The following RYR2 variants were observed in gnomAD, a reference collection of about 807,000 sequenced individuals.
RYR2 encodes ryanodine receptor 2.
Under a neutral mutation model 601.1 loss-of-function variants are expected in RYR2, and 227 were observed. The observed-to-expected ratio is 0.38, with a 90% CI of 0.34 to 0.42. RYR2 has a LOEUF of 0.42. Among genes scored for constraint, RYR2 ranks in the 10% least tolerant of loss-of-function variants. The probability of loss-of-function intolerance (pLI) is 1.00; values close to 1 mark genes in which losing one functional copy is unlikely to be tolerated. For synonymous variants in RYR2, 2,223 were observed against 2,175.1 expected, an observed-to-expected ratio of 1.02 and a Z score of -0.61; for missense variants, 4,646 against 6,156.5, an observed-to-expected ratio of 0.75 and a Z score of 8.21.
At chr1:237,779,050 C>T (rs921010001) in intron 88 of RYR2, among the ~76,000 whole-genome samples, 1 of 152,066 alleles carries the variant, frequency 6.6e-6, no homozygotes, top group African/African-American at 2.4e-5. Flanking sequence ...AGTCGAGTCC[C>T]CAAACATTGT....
rs1330383062 is a variant in RYR2 at position 237,493,188 on chromosome 1, C to T, written c.1961+101C>T. 7.9e-6 allele frequency: 10 copies of T among 1,271,894 alleles called. 1 individual carries two copies. The South Asian group carries it at 1.3e-4, about 17-fold the overall frequency. The allele number at this position is 1,271,894 out of a possible 1,614,324, so 78.8% of individuals were successfully genotyped here. On this transcript the variant is annotated intron_variant, in intron 19 of 104. Coordinates refer to ENST00000366574, the MANE Select transcript of RYR2 (RefSeq NM_001035.3). ...TATATGGTCTGTTTTTTAAATTAGA[C>T]CATATAGTATTATTTTCTGTATTTT...
chr1:237,802,660 A>C (rs1660111818), intron 98 of RYR2, among the ~76,000 whole-genome samples: 1 of 152,200 alleles, frequency 6.6e-6, no homozygotes, highest in Non-Finnish European at 1.5e-5. Context: ...CTAATTTCTC[A>C]TCCAAATGGG....
At chr1:237,591,961 T>A (rs1429038490) in intron 32 of RYR2, 108 bp downstream of exon 32, 5 of 826,352 alleles carry the variant, frequency 6.1e-6, no homozygotes, top group Non-Finnish European at 9.2e-6. Context: ...ATTTTTAAAA[T>A]GTCTGTTTCT....
intron 41 of RYR2, 30 bp downstream of exon 41, chr1:237,628,110 T>C: frequency 6.2e-7 from 1 of 1,604,808 alleles, no homozygotes; most frequent in South Asian, 1.1e-5. Context: ...CAACCCTTTG[T>C]CTCGTAAATG....
chr1:237,108,626 G>A (rs1331332278), intron 1 of RYR2, among the ~76,000 whole-genome samples: 1 of 152,224 alleles, frequency 6.6e-6, no homozygotes, highest in East Asian at 1.9e-4. Flanking sequence ...ATAGGAAGTA[G>A]AGAGGGCTGA....
chr1:237,402,540 G>A (rs938044720), intron 10 of RYR2, among the ~76,000 whole-genome samples: 1 of 152,152 alleles, frequency 6.6e-6, no homozygotes, highest in Non-Finnish European at 1.5e-5. Flanking sequence ...ACAATGGATA[G>A]ATTTAATATC....
intron 8 of RYR2, among the ~76,000 whole-genome samples, chr1:237,385,583 A>G (rs1701901774): frequency 6.6e-6 from 1 of 152,236 alleles, no homozygotes; most frequent in African/African-American, 2.4e-5. Flanking sequence ...ATAATATTAC[A>G]TGAGCTTTCA....
intron 1 of RYR2, among the ~76,000 whole-genome samples, chr1:237,056,914 C>A (rs1662217183): frequency 6.6e-6 from 1 of 152,220 alleles, no homozygotes; most frequent in Non-Finnish European, 1.5e-5. Context: ...GCCCTGCTGA[C>A]CCCATCTCGG....
rs373634489 is a variant in RYR2, at chr1:237,655,782, A to G, written c.7966-39A>G. ...GATGATCATGCTGACAACTTTTGCC[A>G]TATAGTAATTTTTTTTTTTGGTCCT... On this transcript the variant is annotated intron_variant, in intron 52 of 104. Transcript: ENST00000366574. The G allele has an allele frequency of 4.2e-5, 65 of 1,543,064 alleles. No individual in the cohort carries two copies. In the Middle Eastern group the frequency reaches 1.0e-3, roughly 24 times the overall value.
intron 2 of RYR2, among the ~76,000 whole-genome samples, chr1:237,273,792 AT>A (rs915925613): frequency 7.3e-5 from 11 of 150,748 alleles, no homozygotes; most frequent in African/African-American, 2.4e-4. Flanking sequence ...TTATTTAAAA[AT>A]ATGAGTGTTA....
chr1:237,363,229 C>T (rs930868263), intron 4 of RYR2, among the ~76,000 whole-genome samples: 1 of 152,016 alleles, frequency 6.6e-6, no homozygotes, highest in African/African-American at 2.4e-5. Flanking sequence ...TAGTGAGTCA[C>T]ATGTGATTGG....
chr1:237,723,861 A>T (rs910357169), intron 74 of RYR2, among the ~76,000 whole-genome samples: 1 of 152,088 alleles, frequency 6.6e-6, no homozygotes, highest in African/African-American at 2.4e-5. Context: ...TCAGTTTGAT[A>T]TTCATTACCT....
At chr1:237,519,997 C>G (rs1324401702) in intron 24 of RYR2, among the ~76,000 whole-genome samples, 1 of 152,052 alleles carries the variant, frequency 6.6e-6, no homozygotes, top group Non-Finnish European at 1.5e-5. Flanking sequence ...TCTTGTACAC[C>G]TCCTTGGTTA....
chr1:237,546,195 A>G (rs1669786713), intron 25 of RYR2, among the ~76,000 whole-genome samples: 1 of 152,168 alleles, frequency 6.6e-6, no homozygotes, highest in Non-Finnish European at 1.5e-5. Context: ...CCATACAAAC[A>G]GAGTTTTTAT....
chr1:237,349,558 T>C (rs1698582647), intron 3 of RYR2, among the ~76,000 whole-genome samples: 1 of 152,206 alleles, frequency 6.6e-6, no homozygotes, highest in Non-Finnish European at 1.5e-5. Context: ...ATTAATGCCT[T>C]GTGGGGTTTA....
At chr1:237,377,206 G>A in intron 7 of RYR2, 117 bp from the exon 8 acceptor site, 1 of 659,340 alleles carries the variant, frequency 1.5e-6, no homozygotes, top group Non-Finnish European at 2.5e-6. Context: ...TGGTGTAAGA[G>A]ATTAATTTGC....
chr1:237,641,121 T>C, intron 47 of RYR2, 119 bp downstream of exon 47: 1 of 605,604 alleles, frequency 1.7e-6, no homozygotes, highest in South Asian at 3.2e-5. Flanking sequence ...TTAAAAATAA[T>C]AGCTGCAGTC....
At chr1:237,358,314 C>T (rs904043090) in intron 4 of RYR2, among the ~76,000 whole-genome samples, 25 of 152,032 alleles carry the variant, frequency 1.6e-4, no homozygotes, top group African/African-American at 5.1e-4. Context: ...GCTGGAGGGA[C>T]GGATATCTGG....
At chr1:237,056,452 G>T (rs569819815) in intron 1 of RYR2, among the ~76,000 whole-genome samples, 31 of 146,532 alleles carry the variant, frequency 2.1e-4, no homozygotes, top group African/African-American at 7.6e-4. Context: ...CAACTGTGAG[G>T]ACTGGAGCAC....
Sources: gnomAD v4.1 joint callset for allele counts (sites outside exome capture counted in the v4.1 genomes callset) on GRCh38, gnomAD v4.1.1 for gene constraint, MANE v1.5 for transcripts, NCBI Gene and HGNC (gene_info 2026-07-23, HGNC 2026-07-21) for gene names.